PTCHD4: variants seen among roughly 807,000 people sequenced by gnomAD.
PTCHD4 encodes the protein patched domain containing 4, also known as patched domain-containing protein 4.
PTCHD4 carries 33 observed loss-of-function variants against 58.1 expected under a neutral mutation model. The ratio of observed to expected loss-of-function variants is 0.57; its 90% CI spans 0.43 to 0.76. PTCHD4 has a LOEUF of 0.76. Among genes scored for constraint, PTCHD4 ranks in the 30% least tolerant of loss-of-function variants. PTCHD4 has a pLI of 0.00. For missense variants in PTCHD4, 1,058 were observed against 1,027.1 expected (o/e 1.03, Z -0.41); for synonymous variants, 478 against 409.6 (o/e 1.17, Z -2.02).
In PTCHD4 at chr6:47,869,429, T is replaced by C. The variant is rs1763660370; in HGVS notation, c.*8874A>G. 6.6e-6 allele frequency among the ~76,000 whole-genome samples: 1 copy of C among 151,792 alleles called. No homozygotes were observed. The highest frequency in any genetic ancestry group is 1.5e-5 in the Non-Finnish European group (1 of 67,806). On this transcript the variant is annotated 3_prime_UTR_variant, in exon 5 of 5. Coordinates refer to ENST00000339488, the MANE Select transcript of PTCHD4 (RefSeq NM_001384253.1). ...TTAATATTACTACAATAATGCAATG[T>C]AATGCAGTGATAAATTTTAGGTAGA...
At chr6:47,901,747 T>G in intron 4 of PTCHD4, 1 of 1,210,558 alleles carries the variant, frequency 8.3e-7, no homozygotes. Context: ...CAGATTGCTC[T>G]GATGGTATTG....
rs563528564 is a variant in PTCHD4 at position 47,889,645 on chromosome 6, A to G, written c.899-9709T>C. ...ATAAATGGTGCTGGGAAAACTGGCT[A>G]GCCATATGTAGAAAGCCGAAACTGG... is the stretch of plus-strand genomic sequence containing the variant. On this transcript the variant is annotated intron_variant, in intron 4 of 4. Coordinates refer to ENST00000339488, the MANE Select transcript of PTCHD4 (RefSeq NM_001384253.1). 5.9e-5 allele frequency among the ~76,000 whole-genome samples: 9 copies of G among 151,908 alleles called. No individual in the cohort carries two copies. The South Asian group carries it at 1.9e-3, about 32-fold the overall frequency.
chr6:47,947,007 T>C (rs1228613912), intron 4 of PTCHD4, among the ~76,000 whole-genome samples: 1 of 152,036 alleles, frequency 6.6e-6, no homozygotes, highest in Admixed American at 6.6e-5. Context: ...CAACTAATTT[T>C]TTTATTTTGT....
At chr6:47,954,597 T>C (rs1228777403) in intron 4 of PTCHD4, among the ~76,000 whole-genome samples, 1 of 152,218 alleles carries the variant, frequency 6.6e-6, no homozygotes, top group Non-Finnish European at 1.5e-5. Context: ...TTAGAGGCAT[T>C]CTTTAAGTGT....
intron 3 of PTCHD4, among the ~76,000 whole-genome samples, chr6:48,047,662 T>G (rs1764084116): frequency 6.6e-6 from 1 of 151,772 alleles, no homozygotes; most frequent in African/African-American, 2.4e-5. Flanking sequence ...GGGAAGTGAC[T>G]AGGTAATCTG....
chr6:48,027,337 T>C (rs1244704421), intron 3 of PTCHD4, among the ~76,000 whole-genome samples: 1 of 152,122 alleles, frequency 6.6e-6, no homozygotes, highest in Non-Finnish European at 1.5e-5. Context: ...TAAGATTAAC[T>C]TAGTATTATT....
At position 47,866,710 on chromosome 6, in the gene PTCHD4, A is replaced by AC. The variant is rs1763571275; in HGVS notation, c.*11592dup. 6.6e-6 allele frequency among the ~76,000 whole-genome samples: 1 copy of AC among 151,864 alleles called. No individual in the cohort carries two copies. Among genetic ancestry groups the AC allele is most frequent in the Admixed American group, 6.6e-5 (1 of 15,208 alleles). ...AATATGATTGCTGGTTTTGGGGAGC[A>AC]CCACTATTATAATTAAAACTTTAAC... On this transcript the variant is annotated 3_prime_UTR_variant, in exon 5 of 5. Transcript: ENST00000339488.
rs931159828 is a variant in PTCHD4, at chr6:47,873,255, G to A, written c.*5048C>T. ...AGAATCTATAGTTTTGCAACACCACGTGATTCTCTCTGCTGTATTCTAAAT... is the reference window on the plus strand; with the variant it reads ...AGAATCTATAGTTTTGCAACACCACATGATTCTCTCTGCTGTATTCTAAAT... On this transcript the variant is annotated 3_prime_UTR_variant, in exon 5 of 5. Coordinates refer to ENST00000339488, the MANE Select transcript of PTCHD4 (RefSeq NM_001384253.1). Among the ~76,000 whole-genome samples, 4 of 151,656 alleles carry A rather than the reference G, an allele frequency of 2.6e-5. No homozygotes were observed. Among genetic ancestry groups the A allele is most frequent in the African/African-American group, 9.7e-5 (4 of 41,368 alleles).
At position 47,872,934 on chromosome 6, in the gene PTCHD4, G is replaced by T. The variant is rs1004128498; in HGVS notation, c.*5369C>A. On this transcript the variant is annotated 3_prime_UTR_variant, in exon 5 of 5. Coordinates refer to ENST00000339488, the MANE Select transcript of PTCHD4 (RefSeq NM_001384253.1). ...ATCAGCAATAGAGAGTCCTCATTAA[G>T]TATGAAAAAAACTGATTAGAAAAAG... is the stretch of plus-strand genomic sequence containing the variant. 6.6e-6 allele frequency among the ~76,000 whole-genome samples: 1 copy of T among 151,556 alleles called. No homozygotes were observed. Among genetic ancestry groups the T allele is most frequent in the South Asian group, 2.1e-4 (1 of 4,824 alleles).
Position 47,862,500 on chromosome 6 carries a change from T to C in PTCHD4, c.*15803A>G, listed in dbSNP as rs775314902. Reference sequence around the variant, plus strand: ...TAAAATATCAACCTGTTTATTTATTTGGTTTCCTGGCCATTTGTCAATTTT... The same window carrying C: ...TAAAATATCAACCTGTTTATTTATTCGGTTTCCTGGCCATTTGTCAATTTT... On this transcript the variant is annotated 3_prime_UTR_variant, in exon 5 of 5. Coordinates refer to ENST00000339488, the MANE Select transcript of PTCHD4 (RefSeq NM_001384253.1). Among the ~76,000 whole-genome samples, 1 of 151,860 alleles carries C rather than the reference T, an allele frequency of 6.6e-6. No homozygotes were observed. Among genetic ancestry groups the C allele is most frequent in the Non-Finnish European group, 1.5e-5 (1 of 67,844 alleles).
At chr6:47,996,826 C>A (rs545292120) in intron 4 of PTCHD4, among the ~76,000 whole-genome samples, 2 of 152,150 alleles carry the variant, frequency 1.3e-5, no homozygotes, top group South Asian at 4.1e-4. Context: ...CTTTCAATGG[C>A]TTTGTTTAAA....
intron 3 of PTCHD4, among the ~76,000 whole-genome samples, chr6:48,067,841 G>GTTTA (rs1458792707): frequency 6.6e-6 from 1 of 150,620 alleles, no homozygotes; most frequent in Non-Finnish European, 1.5e-5. Context: ...TTTATTTTTG[G>GTTTA]TATTTGTTTT....
chr6:47,969,433 T>A (rs1308671455), intron 4 of PTCHD4, among the ~76,000 whole-genome samples: 2 of 152,220 alleles, frequency 1.3e-5, no homozygotes, highest in Admixed American at 6.5e-5. Context: ...ATCTGAAAAA[T>A]TATTTGTTGC....
rs1329171911 is a variant in PTCHD4, at chr6:48,000,373, A to G, written c.898+8261T>C. On this transcript the variant is annotated intron_variant, in intron 4 of 4. Transcript: ENST00000339488. Reference sequence around the variant, plus strand: ...CATTTTTTGTTTTCTGATTAAATTCAACTCAACACCTACTTAATTCTTCTA... The same window carrying G: ...CATTTTTTGTTTTCTGATTAAATTCGACTCAACACCTACTTAATTCTTCTA... 2.6e-5 allele frequency among the ~76,000 whole-genome samples: 4 copies of G among 152,228 alleles called. No homozygotes were observed. In the East Asian group the frequency reaches 7.7e-4, roughly 29 times the overall value.
At chr6:48,097,348 AT>A (rs1252840963) in intron 1 of PTCHD4, among the ~76,000 whole-genome samples, 7 of 152,230 alleles carry the variant, frequency 4.6e-5, no homozygotes, top group African/African-American at 1.7e-4. Flanking sequence ...ACTTAGTTTA[AT>A]CCTTATGAAA....
At chr6:47,953,603 G>A (rs1043395208) in intron 4 of PTCHD4, among the ~76,000 whole-genome samples, 1 of 152,074 alleles carries the variant, frequency 6.6e-6, no homozygotes, top group African/African-American at 2.4e-5. Flanking sequence ...TATAAAGAAT[G>A]GAGCACATAA....
At chr6:47,966,589 A>G (rs188786062) in intron 4 of PTCHD4, among the ~76,000 whole-genome samples, 34 of 152,352 alleles carry the variant, frequency 2.2e-4, no homozygotes, top group African/African-American at 8.2e-4. Flanking sequence ...TCCCCACAGT[A>G]GAAGTTCTTT....
rs530724602 is a variant in PTCHD4, at chr6:47,877,148, G to A, written c.*1155C>T. 2.0e-5 allele frequency among the ~76,000 whole-genome samples: 3 copies of A among 152,180 alleles called. No homozygotes were observed. The highest frequency in any genetic ancestry group is 2.0e-4 in the Admixed American group (3 of 15,266). On this transcript the variant is annotated 3_prime_UTR_variant, in exon 5 of 5. Coordinates refer to ENST00000339488, the MANE Select transcript of PTCHD4 (RefSeq NM_001384253.1). ...TAAGAACTAGTAGATGGCATGTGAT[G>A]AGTGGGTATGGTCCATTTTATTCTA...
intron 1 of PTCHD4, among the ~76,000 whole-genome samples, chr6:48,071,911 C>T (rs978708001): frequency 1.3e-5 from 2 of 152,126 alleles, no homozygotes; most frequent in Admixed American, 6.6e-5. Flanking sequence ...ATGTTTTTCT[C>T]ATGATTAGTC....
Sources: allele counts gnomAD v4.1 joint callset (sites outside exome capture counted in the v4.1 genomes callset), GRCh38; gene constraint gnomAD v4.1.1; transcripts MANE v1.5; gene names NCBI Gene and HGNC (gene_info 2026-07-23, HGNC 2026-07-21).